Variants in SPAG16 observed in about 807,000 individuals in gnomAD.
SPAG16 encodes sperm-associated antigen 16 protein.
Under a neutral mutation model 80.4 loss-of-function variants are expected in SPAG16, and 86 were observed. The observed-to-expected ratio is 1.07, with a 90% CI of 0.90 to 1.28. The LOEUF (loss-of-function observed/expected upper bound fraction) is 1.28. Ranked by LOEUF, SPAG16 falls within the 50% of genes most tolerant of loss-of-function variation. The probability of loss-of-function intolerance (pLI) is 0.00; values close to 1 mark genes in which losing one functional copy is unlikely to be tolerated. For synonymous variants in SPAG16, 294 were observed against 265.9 expected (o/e 1.11, Z -1.03); for missense variants, 870 against 765.3 (o/e 1.14, Z -1.61).
chr2:213,923,197 G>A (rs1371837160), intron 11 of SPAG16, among the ~76,000 whole-genome samples: 1 of 139,618 alleles, frequency 7.2e-6, no homozygotes, highest in East Asian at 2.4e-4. Context: ...GCAGGGGTTG[G>A]TGGGGATGCT....
At chr2:213,452,269 C>T (rs148890099) in intron 9 of SPAG16, among the ~76,000 whole-genome samples, 17 of 152,186 alleles carry the variant, frequency 1.1e-4, no homozygotes, top group African/African-American at 2.4e-4. Context: ...CTCTCTTTAC[C>T]CTAACTACCT....
chr2:213,910,633 C>T (rs6435802), intron 11 of SPAG16, among the ~76,000 whole-genome samples: 46,599 of 79,900 alleles, frequency 0.58, 21,106 homozygotes, highest in East Asian at 0.91. Context: ...GGACTACAGG[C>T]GCCCGCTACC....
chr2:213,729,114 A>G (rs955429183), intron 10 of SPAG16, among the ~76,000 whole-genome samples: 2 of 152,160 alleles, frequency 1.3e-5, no homozygotes, highest in Non-Finnish European at 2.9e-5. Context: ...TTCTTGCAAC[A>G]TTTATTAGGC....
chr2:213,479,558 G>GAAAACCCC (rs2073639970), intron 9 of SPAG16, among the ~76,000 whole-genome samples: 1 of 151,816 alleles, frequency 6.6e-6, no homozygotes, highest in South Asian at 2.1e-4. Flanking sequence ...ATGATTCAAC[G>GAAAACCCC]AAAACCCCAA....
At chr2:213,361,362 GTA>G (rs992273092) in intron 7 of SPAG16, among the ~76,000 whole-genome samples, 4 of 139,916 alleles carry the variant, frequency 2.9e-5, no homozygotes, top group African/African-American at 7.4e-5. Context: ...GAATATGTAT[GTA>G]TGTGTGTGTG....
At chr2:214,025,026 A>G (rs1007909931) in intron 13 of SPAG16, among the ~76,000 whole-genome samples, 3 of 151,576 alleles carry the variant, frequency 2.0e-5, no homozygotes, top group African/African-American at 7.2e-5. Flanking sequence ...ATTTTGAGGC[A>G]CAATATTTAA....
chr2:214,132,991 C>A (rs1331146777), intron 14 of SPAG16, among the ~76,000 whole-genome samples: 1 of 152,014 alleles, frequency 6.6e-6, no homozygotes, highest in Non-Finnish European at 1.5e-5. Flanking sequence ...ACTGGGGAGG[C>A]TGAGGCAGGA....
rs142629381 is a variant in SPAG16, at chr2:213,529,869, T to C, written c.1070+39779T>C. ...TTCTTTAGACATTTTTTTCTATTTT[T>C]AAAATGCTTTATAATTTTTAGTTTT... On this transcript the variant is annotated intron_variant, in intron 10 of 15. Transcript: ENST00000331683. 1.6e-3 allele frequency among the ~76,000 whole-genome samples: 239 copies of C among 152,358 alleles called. 2 individuals carry two copies. Among genetic ancestry groups the C allele is most frequent in the African/African-American group, 5.2e-3 (218 of 41,586 alleles).
chr2:213,628,975 T>C (rs2062051733), intron 10 of SPAG16, among the ~76,000 whole-genome samples: 1 of 152,002 alleles, frequency 6.6e-6, no homozygotes, highest in Non-Finnish European at 1.5e-5. Flanking sequence ...TCAAAATACC[T>C]AAGAAAAAGA....
intron 15 of SPAG16, among the ~76,000 whole-genome samples, chr2:214,386,475 C>CTAAA (rs1015904681): frequency 5.9e-5 from 9 of 151,988 alleles, no homozygotes; most frequent in African/African-American, 1.9e-4. Context: ...GTGGAGTCAG[C>CTAAA]TAAATATGGA....
intron 12 of SPAG16, among the ~76,000 whole-genome samples, chr2:213,945,463 A>G (rs1358626282): frequency 6.6e-6 from 1 of 151,948 alleles, no homozygotes; most frequent in East Asian, 1.9e-4. Context: ...ACGTGGAGTC[A>G]GTTGTTTGAG....
intron 11 of SPAG16, among the ~76,000 whole-genome samples, chr2:213,903,917 G>GTCTTTGCTAAAACATAATAGCC (rs1364561173): frequency 6.6e-6 from 1 of 152,142 alleles, no homozygotes; most frequent in African/African-American, 2.4e-5. Context: ...GGGGCAAAGT[G>GTCTTTGCTAAAACATAATAGCC]TCTTTGCTAA....
At chr2:213,893,069 A>C (rs946989757) in intron 11 of SPAG16, among the ~76,000 whole-genome samples, 2 of 152,146 alleles carry the variant, frequency 1.3e-5, no homozygotes, top group Non-Finnish European at 2.9e-5. Flanking sequence ...GAAAAAGAAA[A>C]GAAGGAAAAT....
chr2:213,980,105 A>G lies in SPAG16; in HGVS notation c.1401-33846A>G, dbSNP rs375727986. Among the ~76,000 whole-genome samples, 5 of 151,108 alleles carry G rather than the reference A, an allele frequency of 3.3e-5. No homozygotes were observed. The East Asian group carries it at 7.8e-4, about 24-fold the overall frequency. Reference sequence around the variant, plus strand: ...AGGTGTGGTGGCCTGTAATCCCAGCACTTTGGGAGGCTGAGGTGGGTAGAT... The same window carrying G: ...AGGTGTGGTGGCCTGTAATCCCAGCGCTTTGGGAGGCTGAGGTGGGTAGAT... On this transcript the variant is annotated intron_variant, in intron 12 of 15. Coordinates refer to ENST00000331683, the MANE Select transcript of SPAG16 (RefSeq NM_024532.5).
At chr2:214,006,125 T>C (rs1209882511) in intron 12 of SPAG16, among the ~76,000 whole-genome samples, 1 of 152,208 alleles carries the variant, frequency 6.6e-6, no homozygotes, top group Non-Finnish European at 1.5e-5. Flanking sequence ...TTAATCTTTT[T>C]TTCATGTTCA....
At chr2:214,406,645 A>C (rs1449744968) in intron 15 of SPAG16, among the ~76,000 whole-genome samples, 1 of 152,130 alleles carries the variant, frequency 6.6e-6, no homozygotes, top group Non-Finnish European at 1.5e-5. Flanking sequence ...TTTATTTGGA[A>C]CTAACTTTGA....
At chr2:213,566,482 T>C (rs1207813109) in intron 10 of SPAG16, among the ~76,000 whole-genome samples, 3 of 152,154 alleles carry the variant, frequency 2.0e-5, no homozygotes, top group Non-Finnish European at 4.4e-5. Flanking sequence ...GGAAAAAGGA[T>C]CTTTTAATTA....
intron 9 of SPAG16, among the ~76,000 whole-genome samples, chr2:213,465,723 A>G (rs113847509): frequency 0.023 from 3,546 of 152,274 alleles, 58 homozygotes; most frequent in South Asian, 0.038. Flanking sequence ...GCACCAGCTA[A>G]GCTACCGCTG....
At chr2:214,042,379 T>C (rs2049081898) in intron 13 of SPAG16, among the ~76,000 whole-genome samples, 1 of 152,070 alleles carries the variant, frequency 6.6e-6, no homozygotes, top group Non-Finnish European at 1.5e-5. Context: ...AAACTGCAGT[T>C]ACTTTTGCCC....
Sources: allele counts gnomAD v4.1 joint callset (sites outside exome capture counted in the v4.1 genomes callset), GRCh38; gene constraint gnomAD v4.1.1; transcripts MANE v1.5; gene names NCBI Gene and HGNC (gene_info 2026-07-23, HGNC 2026-07-21).